The following SERPINA5 variants were observed in gnomAD, a reference collection of about 807,000 sequenced individuals.
The protein encoded by SERPINA5 is serpin family A member 5.
Under a neutral mutation model 25.3 loss-of-function variants are expected in SERPINA5, and 25 were observed. The observed-to-expected ratio is 0.99, with a 90% confidence interval of 0.72 to 1.38. The LOEUF (loss-of-function observed/expected upper bound fraction) is 1.38. Among genes scored for constraint, SERPINA5 ranks in the 40% most tolerant of loss-of-function variants. The pLI is 0.00. For missense variants in SERPINA5, 599 were observed against 509.5 expected, an observed-to-expected ratio of 1.18 and a Z score of -1.69; for synonymous variants, 234 against 206.2, an observed-to-expected ratio of 1.14 and a Z score of -1.16.
Position 94,584,510 on chromosome 14 carries a change from C to T in SERPINA5, c.-18+2800C>T, listed in dbSNP as rs139244621. Among the ~76,000 whole-genome samples the T allele has an allele frequency of 2.8e-3, 431 of 152,128 alleles. 1 individual carries two copies. Among genetic ancestry groups the T allele is most frequent in the African/African-American group, 9.9e-3 (413 of 41,508 alleles). ...TCCTGGGGGAGACTCAGTGCACACC[C>T]GGAGAAGCAGCTCCTCCCCATCGGA... On this transcript the variant is annotated intron_variant, in intron 2 of 5. Transcript: ENST00000329597.
Position 94,586,179 on chromosome 14 carries a change from C to T in SERPINA5, c.-17-1167C>T, listed in dbSNP as rs114193164. ...AGAGGAGGACTGAAGGCCAAGGCCA[C>T]GTCAGGAGTGATGGGAGACCCCACA... is the stretch of plus-strand genomic sequence containing the variant. On this transcript the variant is annotated intron_variant, in intron 2 of 5. Coordinates refer to ENST00000329597, the MANE Select transcript of SERPINA5 (RefSeq NM_000624.6). Among the ~76,000 whole-genome samples the T allele has an allele frequency of 6.4e-4, 97 of 152,190 alleles. 1 individual carries two copies. The highest frequency in any genetic ancestry group is 2.2e-3 in the African/African-American group (93 of 41,496).
chr14:94,590,591 G>C, intron 4 of SERPINA5, 158 bp from the exon 5 acceptor site: 1 of 899,610 alleles, frequency 1.1e-6, no homozygotes. Context: ...TCCTAGAAAA[G>C]AGGCCAGAGG....
chr14:94,589,381 G>C (rs1885202142), intron 3 of SERPINA5, among the ~76,000 whole-genome samples: 1 of 151,994 alleles, frequency 6.6e-6, no homozygotes, highest in Admixed American at 6.6e-5. Flanking sequence ...CTGGGAGGTG[G>C]GGGCTGTAGT....
At chr14:94,584,532 C>T (rs781633973) in intron 2 of SERPINA5, among the ~76,000 whole-genome samples, 2 of 152,008 alleles carry the variant, frequency 1.3e-5, no homozygotes, top group Non-Finnish European at 2.9e-5. Flanking sequence ...TCCTCCCCAT[C>T]GGATCTCTAG....
chr14:94,585,188 G>A (rs1023050892), intron 2 of SERPINA5, among the ~76,000 whole-genome samples: 1 of 152,148 alleles, frequency 6.6e-6, no homozygotes, highest in African/African-American at 2.4e-5. Flanking sequence ...TCTGAACCTC[G>A]GATTACCCAT....
At chr14:94,585,956 T>A (rs548222894) in intron 2 of SERPINA5, among the ~76,000 whole-genome samples, 8 of 152,292 alleles carry the variant, frequency 5.3e-5, no homozygotes, top group African/African-American at 1.4e-4. Flanking sequence ...CTTACAGTTA[T>A]GGAGCAGTGG....
chr14:94,590,627 G>A (rs1885247521), intron 4 of SERPINA5, 122 bp from the exon 5 acceptor site: 2 of 1,161,824 alleles, frequency 1.7e-6, no homozygotes, highest in Non-Finnish European at 2.4e-6. Context: ...TGTTCCTTGG[G>A]TTAAGGAGTC....
intron 5 of SERPINA5, 87 bp downstream of exon 5, chr14:94,590,983 T>C: frequency 7.4e-7 from 1 of 1,357,000 alleles, no homozygotes; most frequent in Non-Finnish European, 1.0e-6. Flanking sequence ...TTCATTCCAT[T>C]CCATTCCACT....
intron 5 of SERPINA5, among the ~76,000 whole-genome samples, chr14:94,591,767 C>G (rs1286617374): frequency 6.6e-6 from 1 of 152,124 alleles, no homozygotes; most frequent in East Asian, 1.9e-4. Flanking sequence ...GCTATGTGAT[C>G]TCCAAAAAAT....
At chr14:94,590,630 A>T (rs1445884616) in intron 4 of SERPINA5, 119 bp from the exon 5 acceptor site, 11 of 1,173,492 alleles carry the variant, frequency 9.4e-6, no homozygotes, top group Non-Finnish European at 9.5e-6. Context: ...TCCTTGGGTT[A>T]AGGAGTCCTT....
chr14:94,585,741 G>A (rs1318962611), intron 2 of SERPINA5, among the ~76,000 whole-genome samples: 2 of 150,184 alleles, frequency 1.3e-5, no homozygotes, highest in African/African-American at 4.9e-5. Context: ...TAATTAGCCA[G>A]CCTGGGTGCT....
chr14:94,582,788 C>A lies in SERPINA5; in HGVS notation c.-18+1078C>A, dbSNP rs185910845. Among the ~76,000 whole-genome samples the A allele has an allele frequency of 1.2e-3, 182 of 152,262 alleles. 1 individual carries two copies. The highest frequency in any genetic ancestry group is 3.4e-3 in the Admixed American group (52 of 15,304). On this transcript the variant is annotated intron_variant, in intron 2 of 5. Transcript: ENST00000329597. ...GAATGAAAAATGTCAATGACAAATGCATATATAAAGGCACATGTGTAATTG... is the reference window on the plus strand; with the variant it reads ...GAATGAAAAATGTCAATGACAAATGAATATATAAAGGCACATGTGTAATTG...
intron 3 of SERPINA5, 44 bp downstream of exon 3, chr14:94,588,025 G>C (rs552922179): frequency 3.2e-6 from 5 of 1,577,012 alleles, no homozygotes; most frequent in South Asian, 1.2e-5. Flanking sequence ...TGGCTTTTCT[G>C]CTGCTTTTAT....
intron 2 of SERPINA5, among the ~76,000 whole-genome samples, chr14:94,584,411 G>GCAACT (rs1885009715): frequency 6.6e-6 from 1 of 152,168 alleles, no homozygotes; most frequent in Non-Finnish European, 1.5e-5. Context: ...TTGGCCCAGA[G>GCAACT]GGAGCAAGAT....
In SERPINA5 at chr14:94,592,509, C is replaced by T. The variant is rs1885340260; in HGVS notation, c.*270C>T. 2.7e-6 allele frequency: 1 copy of T among 370,118 alleles called. No homozygotes were observed. Among genetic ancestry groups the T allele is most frequent in the African/African-American group, 2.1e-5 (1 of 48,422 alleles). 22.9% of individuals were successfully genotyped at this position (370,118 alleles called of 1,614,324 possible). The stretch of plus-strand genomic sequence containing the variant: ...ATCCAGAGAGGCTGGATGACTTGCT[C>T]AAGTTCACCAGCATGGTAGTGGCAA... On this transcript the variant is annotated 3_prime_UTR_variant, in exon 6 of 6. Coordinates refer to ENST00000329597, the MANE Select transcript of SERPINA5 (RefSeq NM_000624.6).
intron 3 of SERPINA5, among the ~76,000 whole-genome samples, chr14:94,589,083 A>G (rs956985402): frequency 6.6e-6 from 1 of 152,220 alleles, no homozygotes; most frequent in Non-Finnish European, 1.5e-5. Flanking sequence ...ATTACACCAG[A>G]TTGCTGAGGG....
At chr14:94,588,265 C>T (rs1428165913) in intron 3 of SERPINA5, among the ~76,000 whole-genome samples, 8 of 152,170 alleles carry the variant, frequency 5.3e-5, no homozygotes. Flanking sequence ...TTTCTACAGG[C>T]TCTGAAGTAT....
intron 2 of SERPINA5, among the ~76,000 whole-genome samples, chr14:94,586,307 G>A (rs1885082130): frequency 6.6e-6 from 1 of 152,126 alleles, no homozygotes; most frequent in African/African-American, 2.4e-5. Context: ...AAGTCCCAGG[G>A]GCTAGGGGGC....
intron 3 of SERPINA5, among the ~76,000 whole-genome samples, chr14:94,589,531 G>C (rs900123430): frequency 6.6e-6 from 1 of 152,116 alleles, no homozygotes; most frequent in Non-Finnish European, 1.5e-5. Context: ...GTAGCGTTTT[G>C]TTCAGAAGTT....
Sources: gnomAD v4.1 joint callset for allele counts (sites outside exome capture counted in the v4.1 genomes callset) on GRCh38, gnomAD v4.1.1 for gene constraint, MANE v1.5 for transcripts, NCBI Gene and HGNC (gene_info 2026-07-23, HGNC 2026-07-21) for gene names.